Variants in SPC24 observed in about 807,000 individuals in gnomAD.
SPC24 encodes the protein SPC24 component of NDC80 kinetochore complex.
SPC24 carries 31 observed loss-of-function variants against 27.6 expected under a neutral mutation model. The observed-to-expected ratio is 1.12, with a 90% CI of 0.84 to 1.52. The LOEUF is 1.52. SPC24 is among the 40% of genes most tolerant of loss of function. The pLI is 0.00. For missense variants in SPC24, 284 were observed against 252.5 expected (o/e 1.12, Z -0.84); for synonymous variants, 105 against 105.8 (o/e 0.99, Z 0.05).
In SPC24 at chr19:11,147,468, C is replaced by G. The variant is rs954361490; in HGVS notation, c.488-179G>C. 8.6e-6 allele frequency: 5 copies of G among 578,314 alleles called. No homozygotes were observed. In the South Asian group the frequency reaches 1.0e-4, roughly 12 times the overall value. 35.8% of individuals were successfully genotyped at this position (578,314 alleles called of 1,614,324 possible). A position where few individuals can be genotyped will look rare whatever the true frequency, so the allele number is the denominator to read the frequency against. On this transcript the variant is annotated intron_variant, in intron 4 of 4. Coordinates refer to ENST00000592540, the MANE Select transcript of SPC24 (RefSeq NM_182513.4). Reference sequence around the variant, plus strand: ...CTCCACCTCCAGTGGTTAAGTGATTCTCATGCCTCAGCCTCCTGAGTAGCT... The same window carrying G: ...CTCCACCTCCAGTGGTTAAGTGATTGTCATGCCTCAGCCTCCTGAGTAGCT...
At chr19:11,150,208 AG>A (rs2077860193) in intron 1 of SPC24, among the ~76,000 whole-genome samples, 1 of 148,202 alleles carries the variant, frequency 6.7e-6, no homozygotes, top group Non-Finnish European at 1.5e-5. Context: ...AAAAAAAAAA[AG>A]GCTAGGTGTG....
chr19:11,155,757 A>G lies in SPC24; in HGVS notation c.20T>C (p.Ile7Thr). The G allele has an allele frequency of 6.5e-7, 1 of 1,550,222 alleles. No individual in the cohort carries two copies. Among genetic ancestry groups the G allele is most frequent in the Non-Finnish European group, 8.7e-7 (1 of 1,154,312 alleles). The change falls in exon 1 of 5, where the codon ATA becomes ACA. Residue 7 changes from isoleucine to threonine, a missense_variant. Coordinates refer to ENST00000592540, the MANE Select transcript of SPC24 (RefSeq NM_182513.4). ...GAGCAGCCCCTGGCTCACCTCCTCT[A>G]TGTCGCGGAAGGCGGCCATGACTAC... MAAFRD[I>T]EEVSQGLLSL...
Position 11,147,010 on chromosome 19 carries a change from G to A in SPC24, c.*173C>T. 2.4e-6 allele frequency: 1 copy of A among 423,042 alleles called. No individual in the cohort carries two copies. The highest frequency in any genetic ancestry group is 4.3e-6 in the Non-Finnish European group (1 of 234,024). The allele number at this position is 423,042 out of a possible 1,614,324, so 26.2% of individuals were successfully genotyped here. A position where few individuals can be genotyped will look rare whatever the true frequency, so the allele number is the denominator to read the frequency against. Reference sequence around the variant, plus strand: ...CAGGAGAATCGCTTGAACCCAGGAGGCAGAGGTTGCTGTGAGCTGAGATTG... The same window carrying A: ...CAGGAGAATCGCTTGAACCCAGGAGACAGAGGTTGCTGTGAGCTGAGATTG... On this transcript the variant is annotated 3_prime_UTR_variant, in exon 5 of 5. Coordinates refer to ENST00000592540, the MANE Select transcript of SPC24 (RefSeq NM_182513.4).
At chr19:11,155,548 G>T in intron 1 of SPC24, 69 bp downstream of exon 1, 1 of 1,481,188 alleles carries the variant, frequency 6.8e-7, no homozygotes, top group South Asian at 1.3e-5. Context: ...TTTGAGGTGG[G>T]CCTGGTCGCC....
chr19:11,148,110 T>G lies in SPC24; in HGVS notation c.313A>C (p.Thr105Pro), dbSNP rs1357549267. ...TRLKASLLQL[T>P]RELEELKEIE... ...TCCTTGAGCTCTTCCAGCTCTCTGG[T>G]GAGCTGAGTAGGGCAGGTCGTTAAG... The change falls in exon 3 of 5, where the codon ACC becomes CCC. Residue 105 changes from threonine (T) to proline (P), a missense_variant. Coordinates refer to ENST00000592540, the MANE Select transcript of SPC24 (RefSeq NM_182513.4). 1 of 1,612,726 alleles carries G rather than the reference T, an allele frequency of 6.2e-7. No individual in the cohort carries two copies. Among genetic ancestry groups the G allele is most frequent in the Non-Finnish European group, 8.5e-7 (1 of 1,179,120 alleles).
At chr19:11,147,672 G>T in intron 4 of SPC24, 146 bp downstream of exon 4, 1 of 713,222 alleles carries the variant, frequency 1.4e-6, no homozygotes, top group Non-Finnish European at 2.4e-6. Context: ...GGCCTCAAGT[G>T]ATCCTCCCAC....
chr19:11,155,735 C>A lies in SPC24; in HGVS notation c.42G>T (p.Leu14=). The change falls in exon 1 of 5, where the codon CTG becomes CTT. Residue 14 remains leucine, a synonymous_variant. Transcript: ENST00000592540. ...CGCGGTTGGCGCCCAGCAGGCTGAG[C>A]AGCCCCTGGCTCACCTCCTCTATGT... ...FRDIEEVSQG[L]LSLLGANRAE... 2 of 1,577,804 alleles carry A rather than the reference C, an allele frequency of 1.3e-6. No individual in the cohort carries two copies. Among genetic ancestry groups the A allele is most frequent in the Non-Finnish European group, 1.7e-6 (2 of 1,169,798 alleles).
At position 11,147,894 on chromosome 19, in the gene SPC24, C is replaced by T. The variant is rs74491133; in HGVS notation, c.411G>A (p.Val137=). 1,209 of 1,542,058 alleles carry T rather than the reference C, an allele frequency of 7.8e-4. 15 individuals are homozygous for T. The East Asian group carries it at 0.018, about 23-fold the overall frequency. Residue 137 remains valine, a splice_region_variant and synonymous_variant, in exon 4 of 5, where the codon GTG becomes GTA. Coordinates refer to ENST00000592540, the MANE Select transcript of SPC24 (RefSeq NM_182513.4). ...CTTGGTGGTAAAGTTGAGCCACGTACCTGTACAGGAAGACAAAAAAAAAAA... is the reference window on the plus strand; with the variant it reads ...CTTGGTGGTAAAGTTGAGCCACGTATCTGTACAGGAAGACAAAAAAAAAAA... The part of the protein sequence containing the change: ...EDTTVTIPSA[V]YVAQLYHQVS...
At chr19:11,150,216 T>A (rs1345216655) in intron 1 of SPC24, among the ~76,000 whole-genome samples, 3 of 111,098 alleles carry the variant, frequency 2.7e-5, no homozygotes, top group Non-Finnish European at 5.5e-5. Context: ...AAAGGCTAGG[T>A]GTGGTGGCTC....
chr19:11,148,566 A>C (rs2077847200), intron 2 of SPC24, among the ~76,000 whole-genome samples: 1 of 150,714 alleles, frequency 6.6e-6, no homozygotes, highest in Non-Finnish European at 1.5e-5. Context: ...GTGTAGCCTC[A>C]ATCTCCCAGG....
At chr19:11,149,399 C>A in intron 1 of SPC24, 161 bp from the exon 2 acceptor site, 2 of 504,404 alleles carry the variant, frequency 4.0e-6, no homozygotes, top group Non-Finnish European at 6.7e-6. Flanking sequence ...ACTGTTTCAC[C>A]AAAACACATT....
chr19:11,147,731 G>T, intron 4 of SPC24, 87 bp downstream of exon 4: 1 of 1,232,484 alleles, frequency 8.1e-7, no homozygotes, highest in Non-Finnish European at 1.2e-6. Context: ...ACCACACCCG[G>T]CTAATTTTTA....
At chr19:11,153,031 T>TACCTC (rs201620312) in intron 1 of SPC24, among the ~76,000 whole-genome samples, 5,068 of 152,084 alleles carry the variant, frequency 0.033, 288 homozygotes, top group African/African-American at 0.12. Context: ...AATGTGACTG[T>TACCTC]ATAAGGCACC....
chr19:11,153,287 A>C (rs889944220), intron 1 of SPC24, among the ~76,000 whole-genome samples: 1 of 143,040 alleles, frequency 7.0e-6, no homozygotes, highest in Non-Finnish European at 1.5e-5. Flanking sequence ...CTACCAAAAA[A>C]AATACAAAAA....
intron 1 of SPC24, among the ~76,000 whole-genome samples, chr19:11,149,952 C>T (rs1164192174): frequency 1.3e-5 from 2 of 151,640 alleles, no homozygotes; most frequent in African/African-American, 4.8e-5. Context: ...CCTCGTGATC[C>T]ACCCGCCTCA....
intron 2 of SPC24, among the ~76,000 whole-genome samples, chr19:11,148,770 C>T (rs919901723): frequency 6.6e-6 from 1 of 152,114 alleles, no homozygotes; most frequent in South Asian, 2.1e-4. Context: ...GCTGGGACCA[C>T]GCCCGGCTAA....
At chr19:11,153,935 G>A (rs1267447875) in intron 1 of SPC24, among the ~76,000 whole-genome samples, 6 of 151,442 alleles carry the variant, frequency 4.0e-5, no homozygotes, top group Non-Finnish European at 7.4e-5. Flanking sequence ...TTAGCCGGGC[G>A]TGGTGGCGGG....
At position 11,147,118 on chromosome 19, in the gene SPC24, A is replaced by G; in HGVS notation, c.*65T>C. On this transcript the variant is annotated 3_prime_UTR_variant, in exon 5 of 5. Coordinates refer to ENST00000592540, the MANE Select transcript of SPC24 (RefSeq NM_182513.4). ...AAAAAGATCTATGTCCCCACATTTC[A>G]TTTGAAATGGATCTGACCACGGCAG... 1.1e-6 allele frequency: 1 copy of G among 929,794 alleles called. No individual in the cohort carries two copies. The highest frequency in any genetic ancestry group is 1.6e-6 in the Non-Finnish European group (1 of 626,524). The allele number at this position is 929,794 out of a possible 1,614,324, so 57.6% of individuals were successfully genotyped here. A position where few individuals can be genotyped will look rare whatever the true frequency, so the allele number is the denominator to read the frequency against.
chr19:11,148,175 G>A (rs755695182), intron 2 of SPC24, 58 bp from the exon 3 acceptor site: 1 of 1,172,250 alleles, frequency 8.5e-7, no homozygotes. Flanking sequence ...TGCGCTAACT[G>A]CAGCTGGGAG....
Sources: gnomAD v4.1 joint callset for allele counts (sites outside exome capture counted in the v4.1 genomes callset) on GRCh38, gnomAD v4.1.1 for gene constraint, MANE v1.5 for transcripts, NCBI Gene and HGNC (gene_info 2026-07-23, HGNC 2026-07-21) for gene names.